The following TET3 variants were observed in gnomAD, a reference collection of about 807,000 sequenced individuals.
TET3 encodes the protein tet methylcytosine dioxygenase 3.
In TET3, 19 loss-of-function variants were observed where a neutral mutation model predicts 141.4. The observed-to-expected ratio is 0.13, with a 90% CI of 0.09 to 0.20. TET3 has a LOEUF of 0.20. Ranked by LOEUF, TET3 falls within the 10% of genes least tolerant of loss-of-function variation. The probability of loss-of-function intolerance (pLI) is 1.00; values close to 1 mark genes in which losing one functional copy is unlikely to be tolerated. For synonymous variants in TET3, 1,043 were observed against 980.9 expected, an observed-to-expected ratio of 1.06 and a Z score of -1.18; for missense variants, 1,874 against 2,356.9, an observed-to-expected ratio of 0.80 and a Z score of 4.24.
At chr2:74,088,534 G>T (rs548245428) in intron 7 of TET3, among the ~76,000 whole-genome samples, 1 of 152,062 alleles carries the variant, frequency 6.6e-6, no homozygotes, top group South Asian at 2.1e-4. Flanking sequence ...CCAGCTACTC[G>T]GGAGGCTGAG....
At chr2:74,035,198 T>C in intron 3 of TET3, among the ~76,000 whole-genome samples, 1 of 78,548 alleles carries the variant, frequency 1.3e-5, no homozygotes, top group African/African-American at 4.5e-5. Context: ...TGAGACTCCG[T>C]CTCAAAAAAA....
intron 4 of TET3, among the ~76,000 whole-genome samples, chr2:74,066,598 C>CAA (rs70965783): frequency 0.31 from 46,740 of 151,988 alleles, 7,640 homozygotes; most frequent in African/African-American, 0.41. Flanking sequence ...GTAAAAGAAA[C>CAA]TGCTTTTAAG....
At chr2:74,120,311 C>G in the TET3 span, among the ~76,000 whole-genome samples, 2 of 152,236 alleles carry the variant, frequency 1.3e-5, no homozygotes, top group South Asian at 2.1e-4. Flanking sequence ...CAGGGGGCGA[C>G]CTCTCGGCAA....
rs1690612001 is a variant in TET3 at position 74,093,201 on chromosome 2, T to A, written c.3129+210T>A. Among the ~76,000 whole-genome samples, 1 of 152,184 alleles carries A rather than the reference T, an allele frequency of 6.6e-6. No homozygotes were observed. The highest frequency in any genetic ancestry group is 1.5e-5 in the Non-Finnish European group (1 of 68,040). ...CCACACCGTCCCTCTTCTATCCTGG[T>A]CTTCTCCCTTCCCCTGGTAACCCAT... is the stretch of plus-strand genomic sequence containing the variant. On this transcript the variant is annotated intron_variant, in intron 9 of 11. Coordinates refer to ENST00000409262, the MANE Select transcript of TET3 (RefSeq NM_001287491.2). This position sits in a 1 kb window ranked among gnomAD's most constrained non-coding sequence, Gnocchi z 4.2.
rs1207076121 is a variant in TET3 at position 74,104,514 on chromosome 2, G to A, written c.*2338G>A. ...GACTCCGTGCTTAGGTAGATGCGGG[G>A]GTGCCTTGAAAACTTCATTTTAAAT... On this transcript the variant is annotated 3_prime_UTR_variant, in exon 12 of 12. Coordinates refer to ENST00000409262, the MANE Select transcript of TET3 (RefSeq NM_001287491.2). The A allele has an allele frequency of 6.6e-6, 1 of 152,134 alleles. No homozygotes were observed. Among genetic ancestry groups the A allele is most frequent in the Non-Finnish European group, 1.5e-5 (1 of 68,036 alleles). The allele number at this position is 152,134 out of a possible 1,614,324, so 9.4% of individuals were successfully genotyped here.
chr2:74,037,018 C>T (rs1325907608), intron 3 of TET3, among the ~76,000 whole-genome samples: 2 of 152,200 alleles, frequency 1.3e-5, no homozygotes, highest in Admixed American at 6.5e-5. Context: ...CCCCTCCCCC[C>T]ATATAAGAAT....
intron 2 of TET3, chr2:74,002,773 G>A: frequency 1.9e-6 from 1 of 535,850 alleles, no homozygotes. Flanking sequence ...GAGGCCCGCC[G>A]GCCGATGCAC....
In TET3 at chr2:74,047,760, C is replaced by G; in HGVS notation, c.1843C>G (p.Arg615Gly). ...CATTCAGATCAAGAAGTCCAGGCCC[C>G]GGGAAGCACAGCCCCTCTTCCCACC... is the stretch of plus-strand genomic sequence containing the variant. Reference protein sequence around the residue: ...KPIQIKKSRPREAQPLFPPVR... With the variant: ...KPIQIKKSRPGEAQPLFPPVR... The change falls in exon 4 of 12, where the codon CGG (arginine) becomes GGG (glycine). Residue 615 changes from arginine to glycine, a missense_variant. Coordinates refer to ENST00000409262, the MANE Select transcript of TET3 (RefSeq NM_001287491.2). 2 of 1,613,728 alleles carry G rather than the reference C, an allele frequency of 1.2e-6. No individual in the cohort carries two copies. Among genetic ancestry groups the G allele is most frequent in the South Asian group, 1.1e-5 (1 of 91,018 alleles).
chr2:74,022,094 CTTTTTTTT>C (rs34529157), intron 3 of TET3, among the ~76,000 whole-genome samples: 9 of 82,756 alleles, frequency 1.1e-4, no homozygotes, highest in East Asian at 6.9e-4. Flanking sequence ...TTCTAGGACA[CTTTTTTTT>C]TTTTTTTTTT....
At chr2:74,091,622 A>G (rs1391626504) in intron 8 of TET3, among the ~76,000 whole-genome samples, 2 of 152,264 alleles carry the variant, frequency 1.3e-5, no homozygotes. Flanking sequence ...GGCCTGGTCA[A>G]GAGTGGCTGG....
intron 3 of TET3, among the ~76,000 whole-genome samples, chr2:74,041,631 C>G (rs1014899282): frequency 6.6e-6 from 1 of 152,158 alleles, no homozygotes; most frequent in Non-Finnish European, 1.5e-5. Context: ...TTTTACAAAA[C>G]TTGTATATAA....
At chr2:74,134,383 C>G in the TET3 span, 1 of 277,122 alleles carries the variant, frequency 3.6e-6, no homozygotes, top group East Asian at 9.2e-5. Context: ...CCCCACTGTG[C>G]AGATAGAGAA....
rs750380493 is a variant in TET3, at chr2:74,047,355, C to T, written c.1438C>T (p.Arg480Trp). 1.5e-5 allele frequency: 25 copies of T among 1,613,852 alleles called. No homozygotes were observed. Among genetic ancestry groups the T allele is most frequent in the Admixed American group, 1.7e-5 (1 of 60,002 alleles). Residue 480 changes from arginine to tryptophan, a missense_variant, in exon 4 of 12, where the codon CGG becomes TGG. Arg to Trp is a moderately radical substitution (Grantham distance 101). Coordinates refer to ENST00000409262, the MANE Select transcript of TET3 (RefSeq NM_001287491.2). ...ASDYIQSVFK[R>W]PEALPTKPKV... ...TGATTACATCCAGTCAGTATTCAAGCGGCCTGAGGCCCTGCCTACCAAGCC... is the reference window on the plus strand; with the variant it reads ...TGATTACATCCAGTCAGTATTCAAGTGGCCTGAGGCCCTGCCTACCAAGCC...
chr2:74,088,764 G>C (rs1034633173), intron 7 of TET3, among the ~76,000 whole-genome samples: 5 of 151,984 alleles, frequency 3.3e-5, no homozygotes, highest in African/African-American at 7.3e-5. Flanking sequence ...TTACAGTCAC[G>C]TACCTACCAC....
intron 3 of TET3, among the ~76,000 whole-genome samples, chr2:74,033,849 A>C (rs1686882032): frequency 6.6e-6 from 1 of 152,202 alleles, no homozygotes. Flanking sequence ...TAATCCCAGC[A>C]CTTTGGGAGG....
intron 3 of TET3, among the ~76,000 whole-genome samples, chr2:74,017,961 CTTTTT>C (rs35319685): frequency 4.1e-5 from 4 of 97,228 alleles, no homozygotes; most frequent in East Asian, 5.5e-4. Context: ...TCTTCTGTCT[CTTTTT>C]TTTTTTTTTT....
At chr2:74,059,479 T>G (rs1414658599) in intron 4 of TET3, among the ~76,000 whole-genome samples, 1 of 152,222 alleles carries the variant, frequency 6.6e-6, no homozygotes, top group African/African-American at 2.4e-5. Flanking sequence ...GGTCTGGAAC[T>G]CCTGACCTGA....
intron 4 of TET3, among the ~76,000 whole-genome samples, chr2:74,065,978 C>T (rs1381995987): frequency 6.6e-6 from 1 of 152,072 alleles, no homozygotes; most frequent in African/African-American, 2.4e-5. Flanking sequence ...AAAATGGTCT[C>T]GATCTCCTGA....
chr2:74,048,976 A>C (rs189141176), intron 4 of TET3, among the ~76,000 whole-genome samples: 1 of 152,194 alleles, frequency 6.6e-6, no homozygotes, highest in African/African-American at 2.4e-5. Flanking sequence ...TTTTAAAGCA[A>C]GGAATGCCCT....
Sources: gnomAD v4.1 joint callset for allele counts (sites outside exome capture counted in the v4.1 genomes callset) on GRCh38, gnomAD v4.1.1 for gene constraint, Gnocchi (gnomAD v3.1) non-coding constraint, MANE v1.5 for transcripts, NCBI Gene and HGNC (gene_info 2026-07-23, HGNC 2026-07-21) for gene names.